PBX3: variants seen among roughly 807,000 people sequenced by gnomAD.
The protein encoded by PBX3 is PBX homeobox 3.
PBX3 carries 14 observed loss-of-function variants against 48.5 expected under a neutral mutation model. The ratio of observed to expected loss-of-function variants is 0.29; its 90% CI spans 0.19 to 0.45. The LOEUF (loss-of-function observed/expected upper bound fraction) is 0.45. Among genes scored for constraint, PBX3 ranks in the 20% least tolerant of loss-of-function variants. The pLI is 1.00. For missense variants in PBX3, 386 were observed against 546.7 expected, an observed-to-expected ratio of 0.71 and a Z score of 2.93; for synonymous variants, 210 against 200.3, an observed-to-expected ratio of 1.05 and a Z score of -0.41.
chr9:125,921,013 A>G (rs996722912), intron 3 of PBX3, among the ~76,000 whole-genome samples: 3 of 152,254 alleles, frequency 2.0e-5, no homozygotes, highest in African/African-American at 7.2e-5. Flanking sequence ...ATGTTTTCAC[A>G]TTAGAGATTG....
chr9:125,893,839 C>G (rs1840707142), intron 2 of PBX3, among the ~76,000 whole-genome samples: 1 of 152,082 alleles, frequency 6.6e-6, no homozygotes, highest in Non-Finnish European at 1.5e-5. Flanking sequence ...GTGCACTTCC[C>G]TAGCATTATG....
At chr9:125,946,543 A>G (rs1842067542) in intron 5 of PBX3, among the ~76,000 whole-genome samples, 1 of 152,170 alleles carries the variant, frequency 6.6e-6, no homozygotes, top group Admixed American at 6.5e-5. Flanking sequence ...CCATAAAAAA[A>G]GGGTCAAATA....
intron 2 of PBX3, among the ~76,000 whole-genome samples, chr9:125,879,083 T>C (rs1403368839): frequency 2.0e-5 from 3 of 149,294 alleles, no homozygotes; most frequent in Admixed American, 6.7e-5. Context: ...TATTCTTTTT[T>C]TTTTTTTTTT....
intron 2 of PBX3, among the ~76,000 whole-genome samples, chr9:125,799,714 C>G (rs1001550474): frequency 1.3e-5 from 2 of 152,088 alleles, no homozygotes; most frequent in Non-Finnish European, 2.9e-5. Context: ...AGATAATTCT[C>G]TATTTTGAAA....
chr9:125,953,476 C>A (rs1374433078), intron 5 of PBX3, among the ~76,000 whole-genome samples: 32 of 144,886 alleles, frequency 2.2e-4, no homozygotes, highest in Admixed American at 2.8e-4. Flanking sequence ...GACCCTGTCT[C>A]AAAAAAAAAA....
chr9:125,812,105 G>T (rs1365725579), intron 2 of PBX3, among the ~76,000 whole-genome samples: 1 of 152,208 alleles, frequency 6.6e-6, no homozygotes, highest in Non-Finnish European at 1.5e-5. Flanking sequence ...TTAATCCACA[G>T]GTGCCTTGAT....
chr9:125,804,851 G>A (rs893842278), intron 2 of PBX3, among the ~76,000 whole-genome samples: 4 of 151,910 alleles, frequency 2.6e-5, no homozygotes, highest in African/African-American at 4.8e-5. Context: ...GGCGGCTGAG[G>A]CAGGAGAATT....
intron 2 of PBX3, among the ~76,000 whole-genome samples, chr9:125,796,202 A>G (rs1837774389): frequency 6.6e-6 from 1 of 152,340 alleles, no homozygotes; most frequent in African/African-American, 2.4e-5. Context: ...GTCCAGCGCC[A>G]CAGAAAGTGG....
intron 2 of PBX3, among the ~76,000 whole-genome samples, chr9:125,824,463 A>G (rs1234693903): frequency 4.0e-5 from 6 of 151,310 alleles, no homozygotes; most frequent in Non-Finnish European, 5.9e-5. Flanking sequence ...ATGAGAATGC[A>G]TATTTAATTA....
chr9:125,965,513 C>T (rs932548692), intron 8 of PBX3, among the ~76,000 whole-genome samples: 6 of 152,184 alleles, frequency 3.9e-5, no homozygotes, highest in African/African-American at 1.4e-4. Flanking sequence ...CTCCACTGCT[C>T]CCTTCTGAAG....
chr9:125,944,027 T>C (rs1460179012), intron 5 of PBX3, among the ~76,000 whole-genome samples: 1 of 152,194 alleles, frequency 6.6e-6, no homozygotes, highest in Non-Finnish European at 1.5e-5. Context: ...GGCAGCCTCC[T>C]GGGGCCCATG....
intron 2 of PBX3, among the ~76,000 whole-genome samples, chr9:125,858,500 T>TA (rs1564142474): frequency 6.6e-6 from 1 of 152,156 alleles, no homozygotes; most frequent in Non-Finnish European, 1.5e-5. Context: ...GACTGTTTCT[T>TA]AAAAATCAAT....
chr9:125,753,116 T>A (rs1469422098), intron 2 of PBX3, among the ~76,000 whole-genome samples: 3 of 152,252 alleles, frequency 2.0e-5, no homozygotes, highest in Non-Finnish European at 4.4e-5. Context: ...TTGAAGCAAA[T>A]TTTAATGGTT....
intron 2 of PBX3, among the ~76,000 whole-genome samples, chr9:125,803,969 G>C (rs1439663647): frequency 6.6e-6 from 1 of 152,226 alleles, no homozygotes; most frequent in Non-Finnish European, 1.5e-5. Context: ...AATAACTGGT[G>C]TAAAAGAAGA....
chr9:125,764,149 A>G (rs770252398), intron 2 of PBX3, among the ~76,000 whole-genome samples: 6 of 152,212 alleles, frequency 3.9e-5, no homozygotes, highest in Non-Finnish European at 5.9e-5. Context: ...AGAGTGTTGC[A>G]GGGGCTTTCA....
intron 2 of PBX3, among the ~76,000 whole-genome samples, chr9:125,799,803 A>G (rs1206523876): frequency 6.6e-6 from 1 of 152,198 alleles, no homozygotes; most frequent in African/African-American, 2.4e-5. Flanking sequence ...ATGTGTTTAT[A>G]ATATCTTTGA....
At chr9:125,765,252 G>A (rs1198026015) in intron 2 of PBX3, among the ~76,000 whole-genome samples, 2 of 151,138 alleles carry the variant, frequency 1.3e-5, no homozygotes, top group Non-Finnish European at 2.9e-5. Flanking sequence ...CGGCTCAAGT[G>A]ATCCTCGCAC....
chr9:125,772,563 T>C (rs1054910658), intron 2 of PBX3, among the ~76,000 whole-genome samples: 1 of 152,260 alleles, frequency 6.6e-6, no homozygotes. Context: ...AACTGCTGCT[T>C]AATTGATTTG....
At chr9:125,822,358 T>C (rs943035310) in intron 2 of PBX3, among the ~76,000 whole-genome samples, 5 of 152,168 alleles carry the variant, frequency 3.3e-5, no homozygotes, top group Non-Finnish European at 5.9e-5. Flanking sequence ...AGGAATGCTC[T>C]TACACGTAGC....
Sources: allele counts gnomAD v4.1 joint callset (sites outside exome capture counted in the v4.1 genomes callset), GRCh38; gene constraint gnomAD v4.1.1; transcripts MANE v1.5; gene names NCBI Gene and HGNC (gene_info 2026-07-23, HGNC 2026-07-21).